The following CUBN variants were observed in gnomAD, a reference collection of about 807,000 sequenced individuals.
CUBN encodes cubilin, also known as 460 kDa receptor.
CUBN carries 282 observed loss-of-function variants against 405.3 expected under a neutral mutation model. The observed-to-expected ratio is 0.70, with a 90% CI of 0.63 to 0.77. The LOEUF is 0.77. Among genes scored for constraint, CUBN ranks in the 30% least tolerant of loss-of-function variants. The pLI is 0.00. For missense variants in CUBN, 4,514 were observed against 4,475.2 expected, an observed-to-expected ratio of 1.01 and a Z score of -0.25; for synonymous variants, 1,684 against 1,617.0, an observed-to-expected ratio of 1.04 and a Z score of -0.99.
At chr10:17,108,134 T>C (rs1564518314) in intron 10 of CUBN, among the ~76,000 whole-genome samples, 2 of 152,210 alleles carry the variant, frequency 1.3e-5, no homozygotes, top group South Asian at 4.1e-4. Flanking sequence ...TGTAATAATA[T>C]TTGTTACAAG....
chr10:16,825,207 A>G (rs866419484), intron 66 of CUBN, 125 bp from the exon 67 acceptor site: 1 of 670,134 alleles, frequency 1.5e-6, no homozygotes. Context: ...GAACCTGCAT[A>G]TATTTCTTGA....
intron 22 of CUBN, among the ~76,000 whole-genome samples, chr10:17,062,546 T>G (rs1835525913): frequency 6.6e-6 from 1 of 152,248 alleles, no homozygotes; most frequent in African/African-American, 2.4e-5. Context: ...GTTAAACCTG[T>G]ACTTGTTAGT....
intron 59 of CUBN, among the ~76,000 whole-genome samples, chr10:16,865,655 A>G (rs758404272): frequency 2.6e-5 from 4 of 152,168 alleles, no homozygotes; most frequent in Non-Finnish European, 2.9e-5. Context: ...AAATGCACCA[A>G]TCAGCAGGAT....
chr10:16,855,983 C>G (rs1219672068), intron 59 of CUBN, among the ~76,000 whole-genome samples: 1 of 152,042 alleles, frequency 6.6e-6, no homozygotes, highest in Non-Finnish European at 1.5e-5. Flanking sequence ...ACGTAATGAT[C>G]AATATTAACA....
rs753000044 is a variant in CUBN, at chr10:16,903,985, A to G, written c.8043T>C (p.His2681=). 10 of 1,611,504 alleles carry G rather than the reference A, an allele frequency of 6.2e-6. No homozygotes were observed. Among genetic ancestry groups the G allele is most frequent in the Admixed American group, 1.7e-5 (1 of 59,902 alleles). ...TCTTACCTGTAAAGGAATACTTTGC[A>G]TGGAATCCAATGTGTTCTACACGTT... is the stretch of plus-strand genomic sequence containing the variant. ...TNERVEHIGF[H]AKYSFTDCGG... is the part of the protein sequence containing the mutation. The change falls in exon 51 of 67, where the codon CAT becomes CAC. Residue 2681 remains histidine (H), a synonymous_variant. Coordinates refer to ENST00000377833, the MANE Select transcript of CUBN (RefSeq NM_001081.4).
intron 14 of CUBN, among the ~76,000 whole-genome samples, chr10:17,092,495 A>G (rs967082388): frequency 6.6e-6 from 1 of 152,180 alleles, no homozygotes; most frequent in African/African-American, 2.4e-5. Context: ...GGCACAAGAT[A>G]CAGGTCGCAA....
rs1338569819 is a variant in CUBN, at chr10:16,935,884, A to AG, written c.5926+1707_5926+1708insC. 6.6e-5 allele frequency among the ~76,000 whole-genome samples: 10 copies of AG among 150,810 alleles called. No individual in the cohort carries two copies. The East Asian group carries it at 1.6e-3, about 23-fold the overall frequency. ...GACAGAGCGAGACTCCATCTCAAAA[A>AG]AAAAAAAAAAAAGAAAAAAAAAAAG... On this transcript the variant is annotated intron_variant, in intron 39 of 66. Transcript: ENST00000377833.
At chr10:16,994,014 G>C (rs543929891) in intron 28 of CUBN, among the ~76,000 whole-genome samples, 22 of 152,082 alleles carry the variant, frequency 1.4e-4, no homozygotes, top group African/African-American at 4.8e-4. Context: ...TAATTTAGTG[G>C]TACTTTCTGG....
chr10:16,830,093 AC>A (rs1188494387), intron 65 of CUBN, among the ~76,000 whole-genome samples: 1 of 151,758 alleles, frequency 6.6e-6, no homozygotes, highest in Non-Finnish European at 1.5e-5. Flanking sequence ...GTGCCACTAC[AC>A]CCAGTTAATT....
At chr10:16,890,835 C>T (rs1840984072) in intron 54 of CUBN, among the ~76,000 whole-genome samples, 1 of 152,106 alleles carries the variant, frequency 6.6e-6, no homozygotes, top group African/African-American at 2.4e-5. Flanking sequence ...GTTGCCCTGA[C>T]CTAGCCGAGC....
intron 28 of CUBN, among the ~76,000 whole-genome samples, chr10:17,013,098 T>C (rs1297700740): frequency 2.6e-5 from 4 of 152,234 alleles, no homozygotes; most frequent in Admixed American, 6.5e-5. Context: ...AATTATCTAT[T>C]ATAGGTTTTA....
Position 16,877,643 on chromosome 10 carries a change from C to A in CUBN, c.8906-546G>T, listed in dbSNP as rs969463297. Among the ~76,000 whole-genome samples, 50 of 152,188 alleles carry A rather than the reference C, an allele frequency of 3.3e-4. 1 individual carries two copies. The highest frequency in any genetic ancestry group is 7.3e-5 in the Non-Finnish European group (5 of 68,030). ...TATCATGGAGATATCATTAGAAACTCCTTAATGTTTATTGAACAACCATTT... is the reference window on the plus strand; with the variant it reads ...TATCATGGAGATATCATTAGAAACTACTTAATGTTTATTGAACAACCATTT... On this transcript the variant is annotated intron_variant, in intron 56 of 66. Transcript: ENST00000377833.
chr10:17,019,761 T>C (rs917160646), intron 28 of CUBN, 72 bp downstream of exon 28: 2 of 1,580,128 alleles, frequency 1.3e-6, no homozygotes, highest in African/African-American at 2.7e-5. Context: ...TTTCTAAGTT[T>C]GGAACTGAAA....
At chr10:16,937,445 G>A in intron 39 of CUBN, 147 bp downstream of exon 39, 1 of 652,068 alleles carries the variant, frequency 1.5e-6, no homozygotes, top group Non-Finnish European at 2.7e-6. Flanking sequence ...TAGTGTTTAT[G>A]AATTTAAAAC....
At chr10:16,901,708 G>T (rs1841377397) in intron 51 of CUBN, among the ~76,000 whole-genome samples, 1 of 151,622 alleles carries the variant, frequency 6.6e-6, no homozygotes, top group Non-Finnish European at 1.5e-5. Flanking sequence ...ACAAAAATTA[G>T]CTGGGCTTGG....
intron 32 of CUBN, among the ~76,000 whole-genome samples, chr10:16,953,357 C>T (rs1030833812): frequency 6.6e-6 from 1 of 152,128 alleles, no homozygotes; most frequent in Non-Finnish European, 1.5e-5. Context: ...GTCTATGGTG[C>T]GTATTTGGGA....
chr10:16,858,626 T>C (rs928959362), intron 59 of CUBN, among the ~76,000 whole-genome samples: 4 of 152,220 alleles, frequency 2.6e-5, no homozygotes, highest in Non-Finnish European at 4.4e-5. Context: ...CCAGCCTTTA[T>C]TTTAAAATTT....
At chr10:16,857,560 T>A (rs1349787335) in intron 59 of CUBN, among the ~76,000 whole-genome samples, 1 of 152,180 alleles carries the variant, frequency 6.6e-6, no homozygotes, top group Non-Finnish European at 1.5e-5. Flanking sequence ...AAAAAAATAA[T>A]TTACTAAGCA....
At chr10:16,947,856 G>A (rs1842828007) in intron 35 of CUBN, among the ~76,000 whole-genome samples, 1 of 152,210 alleles carries the variant, frequency 6.6e-6, no homozygotes, top group Non-Finnish European at 1.5e-5. Context: ...AAGAAACCCA[G>A]TCCTGGGTAG....
Sources: gnomAD v4.1 joint callset for allele counts (sites outside exome capture counted in the v4.1 genomes callset) on GRCh38, gnomAD v4.1.1 for gene constraint, MANE v1.5 for transcripts, NCBI Gene and HGNC (gene_info 2026-07-23, HGNC 2026-07-21) for gene names.